FBXW7: variants seen among roughly 807,000 people sequenced by gnomAD.
The protein encoded by FBXW7 is F-box/WD repeat-containing protein 7.
A neutral mutation model predicts 86.3 loss-of-function variants in FBXW7; 11 were observed. The ratio of observed to expected loss-of-function variants is 0.13; its 90% CI spans 0.08 to 0.21. The LOEUF is 0.21. Ranked by LOEUF, FBXW7 falls within the 10% of genes least tolerant of loss-of-function variation. FBXW7 has a pLI of 1.00. For missense variants in FBXW7, 488 were observed against 847.4 expected, an observed-to-expected ratio of 0.58 and a Z score of 5.27; for synonymous variants, 313 against 297.9, an observed-to-expected ratio of 1.05 and a Z score of -0.52.
chr4:152,497,189 G>A (rs1746428268), intron 2 of FBXW7, among the ~76,000 whole-genome samples: 1 of 151,776 alleles, frequency 6.6e-6, no homozygotes, highest in Non-Finnish European at 1.5e-5. Flanking sequence ...CAGGTGTGGT[G>A]GCGGGCACCT....
Position 152,330,741 on chromosome 4 carries a change from T to C in FBXW7, c.1113A>G (p.Lys371=). ...IDTNWRRGEL[K]SPKVLKGHDD... ...TGCAGAGTTCAGTTACCTTAGGAGATTTGAGTTCTCCTCGCCTCCAGTTAG... is the reference window on the plus strand; with the variant it reads ...TGCAGAGTTCAGTTACCTTAGGAGACTTGAGTTCTCCTCGCCTCCAGTTAG... The change falls in exon 9 of 14, where the codon AAA becomes AAG. Residue 371 remains lysine (K), a synonymous_variant. Coordinates refer to ENST00000281708, the MANE Select transcript of FBXW7 (RefSeq NM_001349798.2). The C allele has an allele frequency of 1.2e-6, 2 of 1,612,036 alleles. No homozygotes were observed. The highest frequency in any genetic ancestry group is 8.5e-7 in the Non-Finnish European group (1 of 1,178,628).
Position 152,464,824 on chromosome 4 carries a change from T to C in FBXW7, c.-119-52295A>G, listed in dbSNP as rs192954574. ...AAGTTTTTCATTAAAGAAGTAAATA[T>C]TGAAAAAAGCTTTTAAGAAATATTC... On this transcript the variant is annotated intron_variant, in intron 2 of 13. Coordinates refer to ENST00000281708, the MANE Select transcript of FBXW7 (RefSeq NM_001349798.2). Among the ~76,000 whole-genome samples the C allele has an allele frequency of 1.1e-4, 16 of 152,156 alleles. No individual in the cohort carries two copies. In the East Asian group the frequency reaches 2.1e-3, roughly 20 times the overall value.
chr4:152,492,846 G>A (rs1352195509), intron 2 of FBXW7, among the ~76,000 whole-genome samples: 2 of 151,964 alleles, frequency 1.3e-5, no homozygotes, highest in Admixed American at 1.3e-4. Flanking sequence ...GGATTATTAT[G>A]AGTTCAGATT....
intron 4 of FBXW7, among the ~76,000 whole-genome samples, chr4:152,377,417 T>C (rs1734648960): frequency 6.6e-6 from 1 of 152,122 alleles, no homozygotes; most frequent in Admixed American, 6.6e-5. Flanking sequence ...ATACCATTAT[T>C]ATACATTTAG....
At chr4:152,461,044 G>T (rs563119164) in intron 2 of FBXW7, among the ~76,000 whole-genome samples, 11 of 152,258 alleles carry the variant, frequency 7.2e-5, no homozygotes, top group African/African-American at 2.6e-4. Flanking sequence ...ACTTTGGGAG[G>T]CCAAGGTAGG....
At chr4:152,511,876 A>ATATTT (rs1748010488) in intron 2 of FBXW7, among the ~76,000 whole-genome samples, 1 of 152,172 alleles carries the variant, frequency 6.6e-6, no homozygotes, top group Non-Finnish European at 1.5e-5. Flanking sequence ...ATTTTTAAGA[A>ATATTT]TAAGTAAAAA....
intron 4 of FBXW7, among the ~76,000 whole-genome samples, chr4:152,386,142 C>A (rs1485229858): frequency 6.6e-6 from 1 of 152,036 alleles, no homozygotes; most frequent in Non-Finnish European, 1.5e-5. Flanking sequence ...CAATTCTACT[C>A]TTAAAAACAT....
intron 4 of FBXW7, 171 bp downstream of exon 4, chr4:152,411,132 T>C: frequency 9.3e-7 from 1 of 1,072,852 alleles, no homozygotes; most frequent in Non-Finnish European, 1.3e-6. Flanking sequence ...TATCAGTATT[T>C]CTACTTGTAA....
intron 2 of FBXW7, among the ~76,000 whole-genome samples, chr4:152,517,684 G>C (rs1185061633): frequency 1.3e-5 from 2 of 152,178 alleles, no homozygotes; most frequent in East Asian, 3.9e-4. Context: ...TAGAGCTATC[G>C]TGAGGACTGG....
chr4:152,424,123 T>C (rs1739172898), intron 2 of FBXW7, among the ~76,000 whole-genome samples: 1 of 152,118 alleles, frequency 6.6e-6, no homozygotes, highest in African/African-American at 2.4e-5. Flanking sequence ...TGCCTCAGCC[T>C]CCCAAAATAC....
intron 2 of FBXW7, among the ~76,000 whole-genome samples, chr4:152,422,972 G>A (rs1434598274): frequency 6.6e-6 from 1 of 151,940 alleles, no homozygotes; most frequent in African/African-American, 2.4e-5. Flanking sequence ...CTGACTTTTC[G>A]TAGTGTAGAT....
At chr4:152,484,203 A>T (rs1745143479) in intron 2 of FBXW7, among the ~76,000 whole-genome samples, 1 of 152,154 alleles carries the variant, frequency 6.6e-6, no homozygotes, top group Admixed American at 6.5e-5. Context: ...TTACAGCCTT[A>T]TGATTGGGTT....
At chr4:152,483,486 T>G (rs1229859950) in intron 2 of FBXW7, among the ~76,000 whole-genome samples, 3 of 151,850 alleles carry the variant, frequency 2.0e-5, no homozygotes, top group Non-Finnish European at 4.4e-5. Flanking sequence ...AAGGATCACT[T>G]GAGCCCAGGA....
chr4:152,341,715 A>C (rs1730757474), intron 6 of FBXW7, among the ~76,000 whole-genome samples: 1 of 152,162 alleles, frequency 6.6e-6, no homozygotes, highest in African/African-American at 2.4e-5. Flanking sequence ...TCTGGCTCCA[A>C]GAGTGGTTTC....
intron 2 of FBXW7, among the ~76,000 whole-genome samples, chr4:152,484,137 T>C (rs1053733480): frequency 2.2e-4 from 34 of 152,344 alleles, no homozygotes; most frequent in African/African-American, 6.7e-4. Context: ...TGTTGTTATT[T>C]TCTTCATACA....
At chr4:152,408,189 A>G (rs1337668244) in intron 4 of FBXW7, among the ~76,000 whole-genome samples, 5 of 152,226 alleles carry the variant, frequency 3.3e-5, no homozygotes, top group Non-Finnish European at 5.9e-5. Flanking sequence ...ATTAATGCTC[A>G]AACACACTTC....
chr4:152,373,819 T>C (rs1734225527), intron 4 of FBXW7, among the ~76,000 whole-genome samples: 1 of 152,054 alleles, frequency 6.6e-6, no homozygotes. Context: ...CATTTGTGCA[T>C]GGGCATGGGG....
chr4:152,473,605 G>A (rs1744147401), intron 2 of FBXW7, among the ~76,000 whole-genome samples: 1 of 151,970 alleles, frequency 6.6e-6, no homozygotes, highest in Non-Finnish European at 1.5e-5. Context: ...CTCAGCTTCT[G>A]GAGTAGCTAG....
At chr4:152,481,150 G>A (rs977021143) in intron 2 of FBXW7, among the ~76,000 whole-genome samples, 2 of 152,196 alleles carry the variant, frequency 1.3e-5, no homozygotes, top group Non-Finnish European at 2.9e-5. Flanking sequence ...TGACTTCCAA[G>A]TGGAACAATG....
Sources: gnomAD v4.1 joint callset for allele counts (sites outside exome capture counted in the v4.1 genomes callset) on GRCh38, gnomAD v4.1.1 for gene constraint, MANE v1.5 for transcripts, NCBI Gene and HGNC (gene_info 2026-07-23, HGNC 2026-07-21) for gene names.